Variants in DOK6 observed in about 807,000 individuals in gnomAD.
The protein encoded by DOK6 is downstream of tyrosine kinase 6.
In DOK6, 22 loss-of-function variants were observed where a neutral mutation model predicts 44.0. The ratio of observed to expected loss-of-function variants is 0.50; its 90% confidence interval spans 0.36 to 0.71. The LOEUF is 0.71. DOK6 is among the 30% of genes least tolerant of loss of function. The pLI is 0.00. For synonymous variants in DOK6, 166 were observed against 145.5 expected, an observed-to-expected ratio of 1.14 and a Z score of -1.01; for missense variants, 340 against 416.4, an observed-to-expected ratio of 0.82 and a Z score of 1.60.
intron 7 of DOK6, among the ~76,000 whole-genome samples, chr18:69,762,381 C>T (rs926358183): frequency 4.6e-5 from 7 of 152,120 alleles, no homozygotes; most frequent in African/African-American, 1.7e-4. Flanking sequence ...TTGAATCTCG[C>T]TTTTTCAGCT....
chr18:69,627,216 A>T (rs1984576956), intron 3 of DOK6, among the ~76,000 whole-genome samples: 1 of 152,142 alleles, frequency 6.6e-6, no homozygotes, highest in Admixed American at 6.6e-5. Flanking sequence ...ACAAACAAAC[A>T]AACAAAAAAG....
At chr18:69,512,098 C>A (rs932588282) in intron 1 of DOK6, among the ~76,000 whole-genome samples, 7 of 135,544 alleles carry the variant, frequency 5.2e-5, no homozygotes, top group African/African-American at 8.1e-5. Flanking sequence ...ACGCACCCCC[C>A]CACACACAAT....
chr18:69,806,212 G>T (rs1981048345), intron 7 of DOK6, among the ~76,000 whole-genome samples: 1 of 151,778 alleles, frequency 6.6e-6, no homozygotes, highest in Non-Finnish European at 1.5e-5. Context: ...TGTCATTAAT[G>T]GTATCCACAT....
At chr18:69,403,285 C>T (rs566930226) in intron 1 of DOK6, among the ~76,000 whole-genome samples, 59 of 152,260 alleles carry the variant, frequency 3.9e-4, no homozygotes, top group Admixed American at 3.0e-3. Context: ...TCCAGGATTT[C>T]ACACAACAAA....
intron 1 of DOK6, among the ~76,000 whole-genome samples, chr18:69,423,656 A>G (rs1025736262): frequency 3.3e-5 from 5 of 152,240 alleles, no homozygotes; most frequent in Admixed American, 1.3e-4. Context: ...AGATGTTTTC[A>G]GATTGCTCAT....
Position 69,487,451 on chromosome 18 carries a change from C to T in DOK6, c.67-77036C>T, listed in dbSNP as rs1008069153. On this transcript the variant is annotated intron_variant, in intron 1 of 7. Transcript: ENST00000382713. ...AAATCTGCCCCCAGTGTGTGAGGAG[C>T]TGGAAGGAATCTGATCTCTGGTTTA... is the stretch of plus-strand genomic sequence containing the variant. 1.1e-4 allele frequency among the ~76,000 whole-genome samples: 17 copies of T among 152,110 alleles called. 1 individual carries two copies. The highest frequency in any genetic ancestry group is 4.1e-4 in the African/African-American group (17 of 41,410).
At chr18:69,625,199 A>G (rs1292174252) in intron 3 of DOK6, among the ~76,000 whole-genome samples, 1 of 152,178 alleles carries the variant, frequency 6.6e-6, no homozygotes, top group Non-Finnish European at 1.5e-5. Context: ...TAAACTCTTT[A>G]TTAGTGTCAA....
intron 7 of DOK6, among the ~76,000 whole-genome samples, chr18:69,803,052 T>C (rs182556674): frequency 1.5e-3 from 221 of 152,240 alleles, no homozygotes; most frequent in South Asian, 7.2e-3. Flanking sequence ...GAAAGATAGA[T>C]TGAAAGTCCA....
chr18:69,739,832 G>A (rs1420245929), intron 6 of DOK6, among the ~76,000 whole-genome samples: 1 of 152,128 alleles, frequency 6.6e-6, no homozygotes, highest in Non-Finnish European at 1.5e-5. Context: ...TTCATCTATA[G>A]AAGGACAGGT....
At chr18:69,582,048 T>G (rs527894107) in intron 2 of DOK6, among the ~76,000 whole-genome samples, 1 of 152,316 alleles carries the variant, frequency 6.6e-6, no homozygotes, top group East Asian at 1.9e-4. Context: ...AGATCCTGTT[T>G]GTTGAAATTA....
chr18:69,613,286 T>C (rs1420503924), intron 3 of DOK6, among the ~76,000 whole-genome samples: 1 of 152,212 alleles, frequency 6.6e-6, no homozygotes, highest in East Asian at 1.9e-4. Context: ...AAATTGGTTA[T>C]GGCAAACCAG....
chr18:69,568,277 G>T (rs146510953), intron 2 of DOK6, among the ~76,000 whole-genome samples: 3 of 152,302 alleles, frequency 2.0e-5, no homozygotes, highest in Non-Finnish European at 2.9e-5. Flanking sequence ...CCCGTGTTAT[G>T]GCTACATAGC....
chr18:69,488,557 T>A (rs1980647139), intron 1 of DOK6, among the ~76,000 whole-genome samples: 1 of 152,174 alleles, frequency 6.6e-6, no homozygotes, highest in South Asian at 2.1e-4. Flanking sequence ...CAGTTCCACA[T>A]GGCTGAGGAG....
chr18:69,409,732 A>G (rs904050003), intron 1 of DOK6, among the ~76,000 whole-genome samples: 2 of 152,260 alleles, frequency 1.3e-5, no homozygotes, highest in African/African-American at 4.8e-5. Context: ...TATAAAAACT[A>G]TAACTTTAAC....
intron 1 of DOK6, among the ~76,000 whole-genome samples, chr18:69,532,134 C>T (rs1017885505): frequency 7.9e-5 from 12 of 152,182 alleles, no homozygotes; most frequent in Non-Finnish European, 1.6e-4. Context: ...TTCCTGGCTT[C>T]CAGAACTGTG....
intron 6 of DOK6, among the ~76,000 whole-genome samples, chr18:69,742,450 A>G (rs1190068854): frequency 2.0e-5 from 3 of 151,992 alleles, no homozygotes; most frequent in African/African-American, 4.8e-5. Context: ...AGAAAAATTT[A>G]TCAACATTGT....
intron 7 of DOK6, among the ~76,000 whole-genome samples, chr18:69,802,158 C>A (rs991818431): frequency 6.6e-6 from 1 of 152,126 alleles, no homozygotes; most frequent in South Asian, 2.1e-4. Flanking sequence ...ACGGTGCAAT[C>A]ATCTCTTTCT....
chr18:69,708,260 A>G (rs768687425), intron 5 of DOK6, among the ~76,000 whole-genome samples: 6 of 152,342 alleles, frequency 3.9e-5, no homozygotes, highest in Admixed American at 6.5e-5. Context: ...TTAATAATTT[A>G]TAATACGCAA....
intron 3 of DOK6, among the ~76,000 whole-genome samples, chr18:69,653,213 C>T (rs1011923294): frequency 1.3e-5 from 2 of 151,634 alleles, no homozygotes; most frequent in East Asian, 1.9e-4. Flanking sequence ...TTTGCCAATT[C>T]GTAAGTAACA....
Sources: gnomAD v4.1 joint callset for allele counts (sites outside exome capture counted in the v4.1 genomes callset) on GRCh38, gnomAD v4.1.1 for gene constraint, MANE v1.5 for transcripts, NCBI Gene and HGNC (gene_info 2026-07-23, HGNC 2026-07-21) for gene names.